The following PEMT variants were observed in gnomAD, a reference collection of about 807,000 sequenced individuals.
PEMT encodes phosphatidylethanolamine N-methyltransferase.
Under a neutral mutation model 27.4 loss-of-function variants are expected in PEMT, and 23 were observed. The ratio of observed to expected loss-of-function variants is 0.84; its 90% confidence interval spans 0.60 to 1.19. The LOEUF (loss-of-function observed/expected upper bound fraction) is 1.19, where lower values mean the gene tolerates loss of function less well. Ranked by LOEUF, PEMT falls within the 50% of genes most tolerant of loss-of-function variation. The probability of loss-of-function intolerance (pLI) is 0.00; values close to 1 mark genes in which losing one functional copy is unlikely to be tolerated. For synonymous variants in PEMT, 137 were observed against 139.1 expected, an observed-to-expected ratio of 0.98 and a Z score of 0.11; for missense variants, 307 against 310.1, an observed-to-expected ratio of 0.99 and a Z score of 0.07.
intron 3 of PEMT, among the ~76,000 whole-genome samples, chr17:17,515,876 C>T (rs70963031): frequency 7.1e-4 from 108 of 152,320 alleles, no homozygotes; most frequent in African/African-American, 2.4e-3. Flanking sequence ...TGGATTGAAC[C>T]TTCAGTCATT....
intron 2 of PEMT, among the ~76,000 whole-genome samples, chr17:17,566,920 T>C (rs920504180): frequency 1.3e-5 from 2 of 152,202 alleles, no homozygotes; most frequent in African/African-American, 4.8e-5. Context: ...CTGGGTCCCC[T>C]GCCTCCTCTC....
intron 2 of PEMT, among the ~76,000 whole-genome samples, chr17:17,532,991 C>T (rs1268825215): frequency 6.6e-6 from 1 of 152,246 alleles, no homozygotes; most frequent in East Asian, 1.9e-4. Context: ...CGTGCTATCG[C>T]ACTCCAGCCT....
intron 1 of PEMT, among the ~76,000 whole-genome samples, chr17:17,586,478 A>G (rs1912322160): frequency 6.6e-6 from 1 of 152,170 alleles, no homozygotes. Context: ...CATACACAGT[A>G]TGCTCCCAAA....
intron 2 of PEMT, among the ~76,000 whole-genome samples, chr17:17,562,876 C>T (rs1208464643): frequency 6.6e-6 from 1 of 152,160 alleles, no homozygotes; most frequent in East Asian, 1.9e-4. Flanking sequence ...GGCCATTTCC[C>T]CATCCCCCTG....
intron 2 of PEMT, among the ~76,000 whole-genome samples, chr17:17,574,755 G>A (rs986755365): frequency 5.3e-5 from 8 of 152,288 alleles, no homozygotes; most frequent in South Asian, 2.1e-4. Flanking sequence ...AAATAAAAGC[G>A]TCCTCAGGAC....
chr17:17,521,262 G>A (rs994063098), intron 3 of PEMT, among the ~76,000 whole-genome samples: 3 of 152,200 alleles, frequency 2.0e-5, no homozygotes, highest in African/African-American at 7.2e-5. Context: ...GGAGAACCAC[G>A]TGGTCCATGT....
At chr17:17,557,734 G>A (rs942626579) in intron 2 of PEMT, among the ~76,000 whole-genome samples, 3 of 152,342 alleles carry the variant, frequency 2.0e-5, no homozygotes, top group Non-Finnish European at 4.4e-5. Flanking sequence ...TGCAGGGGCT[G>A]GTGACAATGA....
upstream of PEMT, chr17:17,591,865 G>T (rs1912607744): frequency 1.0e-6 from 1 of 985,368 alleles, no homozygotes; most frequent in African/African-American, 1.7e-5. Context: ...TCGCCGCAGA[G>T]CCTGCCGGTT....
chr17:17,530,253 T>C (rs1054957709), intron 2 of PEMT, among the ~76,000 whole-genome samples: 1 of 152,204 alleles, frequency 6.6e-6, no homozygotes, highest in Non-Finnish European at 1.5e-5. Context: ...CCCAGCACTT[T>C]AGGTGGCCGA....
intron 1 of PEMT, chr17:17,591,311 A>C: frequency 1.8e-6 from 1 of 549,542 alleles, no homozygotes; most frequent in South Asian, 2.3e-5. Flanking sequence ...CCCGTCTCTG[A>C]CACACGCAAT....
chr17:17,545,223 G>A (rs982614168), intron 2 of PEMT, among the ~76,000 whole-genome samples: 5 of 152,124 alleles, frequency 3.3e-5, no homozygotes, highest in Admixed American at 6.6e-5. Flanking sequence ...GACCTCACCC[G>A]CCCATGCAGG....
chr17:17,552,262 A>C (rs1909706428), intron 2 of PEMT, among the ~76,000 whole-genome samples: 1 of 151,414 alleles, frequency 6.6e-6, no homozygotes, highest in African/African-American at 2.4e-5. Context: ...CAGTGAGCCG[A>C]GATCTCACCA....
chr17:17,514,035 CATCT>C (rs1275897528), intron 3 of PEMT, among the ~76,000 whole-genome samples: 1 of 152,182 alleles, frequency 6.6e-6, no homozygotes, highest in Non-Finnish European at 1.5e-5. Context: ...CACATCCATC[CATCT>C]GTCCAGCTAT....
chr17:17,512,673 GAGGGAGGACGTCATGGCC>G lies in PEMT; in HGVS notation c.321-37_321-20del, dbSNP rs1470297509. The G allele has an allele frequency of 8.7e-6, 13 of 1,497,948 alleles. No individual in the cohort carries two copies. The highest frequency in any genetic ancestry group is 1.8e-4 in the Middle Eastern group (1 of 5,604). The allele number at this position is 1,497,948 out of a possible 1,614,324, so 92.8% of individuals were successfully genotyped here. On this transcript the variant is annotated intron_variant, in intron 3 of 6. Transcript: ENST00000255389. This position sits in a 1 kb window ranked among gnomAD's most constrained non-coding sequence, Gnocchi z 6.3. Reference sequence around the variant, plus strand: ...CGTGAAGCTGTGGGCAGGGGATGGAGAGGGAGGACGTCATGGCCAGGGAGGATGTCACAGCCCGGGAGG... The same window carrying G: ...CGTGAAGCTGTGGGCAGGGGATGGAGAGGGAGGATGTCACAGCCCGGGAGG...
intron 3 of PEMT, among the ~76,000 whole-genome samples, chr17:17,521,639 A>G (rs1907268642): frequency 6.6e-6 from 1 of 151,532 alleles, no homozygotes; most frequent in Non-Finnish European, 1.5e-5. Context: ...ACCTCGGCTC[A>G]CTGCAACCTC....
Position 17,576,832 on chromosome 17 carries a change from C to T in PEMT, c.204+88G>A. The T allele has an allele frequency of 2.8e-6, 3 of 1,062,694 alleles. No homozygotes were observed. The Admixed American group carries it at 5.3e-5, about 19-fold the overall frequency. 65.8% of individuals were successfully genotyped at this position (1,062,694 alleles called of 1,614,324 possible). A position where few individuals can be genotyped will look rare whatever the true frequency, so the allele number is the denominator to read the frequency against. Reference sequence around the variant, plus strand: ...CAGAGCTGTCTGTCTGTCTGGCCAGCCAGCAGCAACCACCGCGATCCCCTG... The same window carrying T: ...CAGAGCTGTCTGTCTGTCTGGCCAGTCAGCAGCAACCACCGCGATCCCCTG... On this transcript the variant is annotated intron_variant, in intron 2 of 6. Transcript: ENST00000255389.
At chr17:17,538,385 T>A (rs1012082443) in intron 2 of PEMT, among the ~76,000 whole-genome samples, 2 of 152,088 alleles carry the variant, frequency 1.3e-5, no homozygotes, top group Non-Finnish European at 2.9e-5. Flanking sequence ...TGAGACCCTA[T>A]CTCTACAAAC....
At chr17:17,517,873 G>C (rs4646402) in intron 3 of PEMT, 355,787 of 626,550 alleles carry the variant, frequency 0.57, 102,477 homozygotes, top group Non-Finnish European at 0.59. Flanking sequence ...TTGGTCGTAA[G>C]GCTTCTTCAG....
chr17:17,569,145 C>T (rs1911023692), intron 2 of PEMT, among the ~76,000 whole-genome samples: 1 of 152,226 alleles, frequency 6.6e-6, no homozygotes, highest in Admixed American at 6.5e-5. Flanking sequence ...GGAAAGTCCC[C>T]GGCCAGAGGG....
Sources: allele counts gnomAD v4.1 joint callset (sites outside exome capture counted in the v4.1 genomes callset), GRCh38; gene constraint gnomAD v4.1.1; non-coding constraint Gnocchi (gnomAD v3.1); transcripts MANE v1.5; gene names NCBI Gene and HGNC (gene_info 2026-07-23, HGNC 2026-07-21).